ABCA13: variants seen among roughly 807,000 people sequenced by gnomAD.
The protein encoded by ABCA13 is ATP binding cassette subfamily A member 13, also known as ATP-binding cassette sub-family A member 13.
Under a neutral mutation model 478.7 loss-of-function variants are expected in ABCA13, and 476 were observed. The ratio of observed to expected loss-of-function variants is 0.99; its 90% CI spans 0.92 to 1.07. The LOEUF (loss-of-function observed/expected upper bound fraction) is 1.07. Ranked by LOEUF, ABCA13 falls within the 50% of genes least tolerant of loss-of-function variation. ABCA13 has a pLI of 0.00. For missense variants in ABCA13, 6,060 were observed against 5,910.6 expected (o/e 1.03, Z -0.83); for synonymous variants, 2,252 against 2,158.9 (o/e 1.04, Z -1.20).
Position 48,205,204 on chromosome 7 carries a change from A to C in ABCA13, c.287+6844A>C, listed in dbSNP as rs879763199. ...TGTTTTCTTTCCTACTTCAGGTTAT[A>C]AAGATAATTTCTTACATTATTTTCT... On this transcript the variant is annotated intron_variant, in intron 3 of 61. Coordinates refer to ENST00000435803, the MANE Select transcript of ABCA13 (RefSeq NM_152701.5). Among the ~76,000 whole-genome samples the C allele has an allele frequency of 4.6e-5, 7 of 152,242 alleles. 1 individual carries two copies. Among genetic ancestry groups the C allele is most frequent in the Admixed American group, 2.6e-4 (4 of 15,280 alleles).
At chr7:48,636,125 C>T (rs1292820363) in intron 59 of ABCA13, among the ~76,000 whole-genome samples, 1 of 151,980 alleles carries the variant, frequency 6.6e-6, no homozygotes, top group Admixed American at 6.6e-5. Context: ...TTTTACAGCC[C>T]CTGCTTTCTT....
At position 48,327,037 on chromosome 7, in the gene ABCA13, C is replaced by T. The variant is rs116552299; in HGVS notation, c.10000-8385C>T. Among the ~76,000 whole-genome samples, 205 of 152,268 alleles carry T rather than the reference C, an allele frequency of 1.3e-3. 2 individuals are homozygous for T. Among genetic ancestry groups the T allele is most frequent in the African/African-American group, 4.6e-3 (190 of 41,550 alleles). ...ACCAATAATTTCACTGTTTTAAATG[C>T]AGATTGAATCACTCTTTATTGAGCA... On this transcript the variant is annotated intron_variant, in intron 27 of 61. Transcript: ENST00000435803.
intron 31 of ABCA13, among the ~76,000 whole-genome samples, chr7:48,357,401 C>T (rs1270083291): frequency 6.6e-6 from 1 of 151,898 alleles, no homozygotes; most frequent in African/African-American, 2.4e-5. Context: ...CCTGTCCCAC[C>T]AACGCAGGTA....
intron 59 of ABCA13, among the ~76,000 whole-genome samples, chr7:48,616,441 A>G (rs935518542): frequency 2.0e-5 from 3 of 152,182 alleles, no homozygotes; most frequent in African/African-American, 7.2e-5. Flanking sequence ...ATGAATGCCT[A>G]CATAAAGTTT....
chr7:48,503,146 G>T (rs975660818), intron 48 of ABCA13, among the ~76,000 whole-genome samples: 2 of 152,108 alleles, frequency 1.3e-5, no homozygotes, highest in African/African-American at 4.8e-5. Flanking sequence ...GAATGCAGTG[G>T]CGCAATCATG....
At position 48,215,383 on chromosome 7, in the gene ABCA13, C is replaced by G. The variant is rs186075928; in HGVS notation, c.288-3971C>G. Among the ~76,000 whole-genome samples the G allele has an allele frequency of 3.0e-4, 46 of 151,942 alleles. No homozygotes were observed. The East Asian group carries it at 8.3e-3, about 27-fold the overall frequency. ...GGGCATGGTTTGTGGCATCCCCGAGCAATTATGATAGTAATATCAAAGATC... is the reference window on the plus strand; with the variant it reads ...GGGCATGGTTTGTGGCATCCCCGAGGAATTATGATAGTAATATCAAAGATC... On this transcript the variant is annotated intron_variant, in intron 3 of 61. Transcript: ENST00000435803.
At chr7:48,402,646 A>G (rs1033197255) in intron 38 of ABCA13, among the ~76,000 whole-genome samples, 6 of 152,228 alleles carry the variant, frequency 3.9e-5, no homozygotes, top group Admixed American at 3.3e-4. Context: ...ATTTACATTA[A>G]ATATTTACTT....
Position 48,412,334 on chromosome 7 carries a change from TCC to T in ABCA13, c.12229-18_12229-17del. 1 of 1,574,662 alleles carries T rather than the reference TCC, an allele frequency of 6.4e-7. No homozygotes were observed. The highest frequency in any genetic ancestry group is 1.8e-5 in the Admixed American group (1 of 55,578). On this transcript the variant is annotated splice_polypyrimidine_tract_variant and intron_variant, in intron 40 of 61. Coordinates refer to ENST00000435803, the MANE Select transcript of ABCA13 (RefSeq NM_152701.5). ...TAACATTCCTTACTGGCTTCTTTTT[TCC>T]TTTTTTTTATGGATAGCCTTCTGTT... is the stretch of plus-strand genomic sequence containing the variant.
intron 3 of ABCA13, among the ~76,000 whole-genome samples, chr7:48,212,476 G>A (rs1785811252): frequency 6.6e-6 from 1 of 152,150 alleles, no homozygotes; most frequent in Admixed American, 6.5e-5. Context: ...TGGGATAAAT[G>A]TTTAGTGTAT....
intron 1 of ABCA13, among the ~76,000 whole-genome samples, chr7:48,174,667 A>G (rs1437904676): frequency 6.6e-6 from 1 of 152,178 alleles, no homozygotes; most frequent in African/African-American, 2.4e-5. Flanking sequence ...AACAAAAGAT[A>G]AACATTTTAA....
At chr7:48,366,780 C>T (rs1356933612) in intron 31 of ABCA13, among the ~76,000 whole-genome samples, 1 of 152,162 alleles carries the variant, frequency 6.6e-6, no homozygotes, top group Non-Finnish European at 1.5e-5. Context: ...ATAACCCAAA[C>T]ACCTCTTAAA....
At chr7:48,644,296 C>T (rs141844846) in intron 60 of ABCA13, among the ~76,000 whole-genome samples, 6 of 152,284 alleles carry the variant, frequency 3.9e-5, no homozygotes, top group Admixed American at 1.3e-4. Context: ...CCCTTCCATC[C>T]GTCTCTGTTA....
chr7:48,204,735 C>T (rs1352873859), intron 3 of ABCA13, among the ~76,000 whole-genome samples: 1 of 152,188 alleles, frequency 6.6e-6, no homozygotes, highest in African/African-American at 2.4e-5. Context: ...AGGTCTTCCT[C>T]TTCTATATGC....
At chr7:48,331,668 A>G (rs1805424836) in intron 27 of ABCA13, among the ~76,000 whole-genome samples, 1 of 152,060 alleles carries the variant, frequency 6.6e-6, no homozygotes, top group African/African-American at 2.4e-5. Context: ...GTAACATCTC[A>G]TGACACTACC....
intron 43 of ABCA13, among the ~76,000 whole-genome samples, chr7:48,459,590 G>T (rs1449952295): frequency 6.6e-6 from 1 of 152,090 alleles, no homozygotes; most frequent in Non-Finnish European, 1.5e-5. Flanking sequence ...TTCCTGTGTG[G>T]ATGTCACTGT....
At chr7:48,245,137 T>A (rs1208808272) in intron 11 of ABCA13, among the ~76,000 whole-genome samples, 2 of 152,212 alleles carry the variant, frequency 1.3e-5, no homozygotes, top group South Asian at 2.1e-4. Context: ...CCCCCTGGGT[T>A]TGCAGAATGC....
chr7:48,302,730 T>G (rs1189549897), intron 23 of ABCA13, among the ~76,000 whole-genome samples: 2 of 152,242 alleles, frequency 1.3e-5, no homozygotes, highest in Non-Finnish European at 2.9e-5. Context: ...CATATTTTCT[T>G]TGTCCAGTTT....
At chr7:48,338,963 G>T (rs898496454) in intron 29 of ABCA13, among the ~76,000 whole-genome samples, 1 of 152,152 alleles carries the variant, frequency 6.6e-6, no homozygotes, top group Admixed American at 6.5e-5. Context: ...CCATAGAGGG[G>T]CATAAAATAT....
intron 2 of ABCA13, among the ~76,000 whole-genome samples, chr7:48,194,692 G>A (rs1408441071): frequency 1.3e-5 from 2 of 152,160 alleles, no homozygotes; most frequent in African/African-American, 4.8e-5. Context: ...ACCCAAAACA[G>A]TGTGTCAGTT....
Sources: allele counts gnomAD v4.1 joint callset (sites outside exome capture counted in the v4.1 genomes callset), GRCh38; gene constraint gnomAD v4.1.1; transcripts MANE v1.5; gene names NCBI Gene and HGNC (gene_info 2026-07-23, HGNC 2026-07-21).